LTBP2: variants seen among roughly 807,000 people sequenced by gnomAD.
LTBP2 encodes the protein latent-transforming growth factor beta-binding protein 2.
Under a neutral mutation model 210.6 loss-of-function variants are expected in LTBP2, and 103 were observed. The ratio of observed to expected loss-of-function variants is 0.49; its 90% CI spans 0.42 to 0.58. The LOEUF is 0.58. LTBP2 is among the 20% of genes least tolerant of loss of function. The probability of loss-of-function intolerance (pLI) is 0.00; values close to 1 mark genes in which losing one functional copy is unlikely to be tolerated. For missense variants in LTBP2, 2,313 were observed against 2,494.5 expected (o/e 0.93, Z 1.55); for synonymous variants, 1,007 against 1,015.0 (o/e 0.99, Z 0.15).
At chr14:74,504,721 A>C (rs1367837758) in intron 30 of LTBP2, 57 bp downstream of exon 30, 2 of 1,550,060 alleles carry the variant, frequency 1.3e-6, no homozygotes, top group Admixed American at 1.7e-5. Flanking sequence ...CCTGTGGAGG[A>C]GCAGGCTAGG....
intron 3 of LTBP2, among the ~76,000 whole-genome samples, chr14:74,567,890 C>T (rs1595282081): frequency 6.6e-6 from 1 of 152,186 alleles, no homozygotes; most frequent in East Asian, 1.9e-4. Context: ...AGGCCCCTGG[C>T]TCCGAGTTCC....
At chr14:74,601,746 AC>A (rs1039093359) in intron 2 of LTBP2, among the ~76,000 whole-genome samples, 4 of 152,146 alleles carry the variant, frequency 2.6e-5, no homozygotes, top group Admixed American at 1.3e-4. Flanking sequence ...TGTTAGGACA[AC>A]CACGTTATCA....
At chr14:74,545,753 G>C (rs1420453627) in intron 8 of LTBP2, among the ~76,000 whole-genome samples, 1 of 152,188 alleles carries the variant, frequency 6.6e-6, no homozygotes, top group Non-Finnish European at 1.5e-5. Context: ...TCTGGCAGGA[G>C]GATTGAAGAG....
chr14:74,523,761 C>T (rs2087237361), intron 15 of LTBP2, among the ~76,000 whole-genome samples: 1 of 152,180 alleles, frequency 6.6e-6, no homozygotes, highest in Non-Finnish European at 1.5e-5. Flanking sequence ...TTTGTGTCCA[C>T]CCTGAAGTCT....
rs531375234 is a variant in LTBP2 at position 74,515,202 on chromosome 14, G to A, written c.2908+1620C>T. ...CGCGTCAAAAGCCAAACCCAAGCCT[G>A]TCTGCACCAGAGCCTGTGCCCTTCA... On this transcript the variant is annotated intron_variant, in intron 18 of 35. Transcript: ENST00000261978. 1.5e-4 allele frequency among the ~76,000 whole-genome samples: 22 copies of A among 151,428 alleles called. No individual in the cohort carries two copies. The South Asian group carries it at 3.8e-3, about 26-fold the overall frequency.
At chr14:74,522,766 A>G (rs772929137) in intron 16 of LTBP2, 24 bp downstream of exon 16, 1 of 1,604,480 alleles carries the variant, frequency 6.2e-7, no homozygotes, top group Non-Finnish European at 8.5e-7. Flanking sequence ...CCGCCAAGTA[A>G]GCCCAGGGCA....
At chr14:74,580,033 C>T (rs1454476887) in intron 3 of LTBP2, among the ~76,000 whole-genome samples, 1 of 152,198 alleles carries the variant, frequency 6.6e-6, no homozygotes, top group Non-Finnish European at 1.5e-5. Flanking sequence ...AACCCCTGTC[C>T]TCCCACATCT....
chr14:74,572,411 A>G (rs180912997), intron 3 of LTBP2, among the ~76,000 whole-genome samples: 1 of 149,212 alleles, frequency 6.7e-6, no homozygotes, highest in East Asian at 2.0e-4. Flanking sequence ...AGTTAATTTC[A>G]CAAGTGGAAA....
At chr14:74,573,448 A>G (rs2088012239) in intron 3 of LTBP2, among the ~76,000 whole-genome samples, 1 of 152,202 alleles carries the variant, frequency 6.6e-6, no homozygotes. Context: ...AGGAGGTCAG[A>G]GGGCAGGAGA....
rs55971017 is a variant in LTBP2 at position 74,551,383 on chromosome 14, A to G, written c.1400-33T>C. 78,442 of 1,521,732 alleles carry G rather than the reference A, an allele frequency of 0.052. 2,708 individuals are homozygous for G. Among genetic ancestry groups the G allele is most frequent in the African/African-American group, 0.16 (12,094 of 73,300 alleles). 94.3% of individuals were successfully genotyped at this position (1,521,732 alleles called of 1,614,324 possible). ...CAGGGGCTAGAGTCAGAGCCAGGGA[A>G]GCAGGGCCCCACCCTCATTTCCAAC... On this transcript the variant is annotated intron_variant, in intron 6 of 35. Coordinates refer to ENST00000261978, the MANE Select transcript of LTBP2 (RefSeq NM_000428.3).
At chr14:74,545,444 G>C (rs2087564908) in intron 8 of LTBP2, among the ~76,000 whole-genome samples, 1 of 152,236 alleles carries the variant, frequency 6.6e-6, no homozygotes, top group Non-Finnish European at 1.5e-5. Flanking sequence ...CAGAGCAAGA[G>C]AATCTGTTCT....
intron 2 of LTBP2, among the ~76,000 whole-genome samples, chr14:74,594,711 A>C (rs2088333581): frequency 6.6e-6 from 1 of 152,114 alleles, no homozygotes; most frequent in South Asian, 2.1e-4. Flanking sequence ...CTGTTTCTCC[A>C]CAACCTTGAC....
At chr14:74,525,997 A>T in intron 14 of LTBP2, 78 bp downstream of exon 14, 1 of 1,446,070 alleles carries the variant, frequency 6.9e-7, no homozygotes, top group Non-Finnish European at 9.5e-7. Context: ...CAGCTCACAC[A>T]TAGTAACTCC....
At position 74,511,633 on chromosome 14, in the gene LTBP2, G is replaced by A. The variant is rs1005154; in HGVS notation, c.2909-269C>T. On this transcript the variant is annotated intron_variant, in intron 18 of 35. Transcript: ENST00000261978. ...TATGGTTACCACCAGCTGTGGGAGGGTCAGAGGCTCCACTTTGTGAGCTGG... is the reference window on the plus strand; with the variant it reads ...TATGGTTACCACCAGCTGTGGGAGGATCAGAGGCTCCACTTTGTGAGCTGG... 0.64 allele frequency among the ~76,000 whole-genome samples: 96,893 copies of A among 152,066 alleles called. 31,004 individuals carry two copies. The highest frequency in any genetic ancestry group is 0.74 in the East Asian group (3,852 of 5,174).
chr14:74,509,730 T>C lies in LTBP2; in HGVS notation c.3277+4A>G. Reference sequence around the variant, plus strand: ...CCCTTCCACCACTGCCTCCCCAGGGTTACCTTCACAGGCAGTGCCGTCTTC... The same window carrying C: ...CCCTTCCACCACTGCCTCCCCAGGGCTACCTTCACAGGCAGTGCCGTCTTC... On this transcript the variant is annotated splice_donor_region_variant and intron_variant, in intron 21 of 35. Transcript: ENST00000261978. 6.2e-7 allele frequency: 1 copy of C among 1,613,982 alleles called. No individual in the cohort carries two copies. Among genetic ancestry groups the C allele is most frequent in the Non-Finnish European group, 8.5e-7 (1 of 1,179,996 alleles).
chr14:74,552,200 G>T lies in LTBP2; in HGVS notation c.1386C>A (p.Leu462=). The change falls in exon 6 of 36, where the codon CTC becomes CTA. Residue 462 remains leucine, a synonymous_variant. Coordinates refer to ENST00000261978, the MANE Select transcript of LTBP2 (RefSeq NM_000428.3). ...GCCGGCACTCACCCAGCTGGTTGGA[G>T]AGCGGCAGTGTGAAAGTGGACTGCT... ...PLKQSTFTLP[L]SNQLASVNPS... 1 of 1,608,272 alleles carries T rather than the reference G, an allele frequency of 6.2e-7. No individual in the cohort carries two copies. The highest frequency in any genetic ancestry group is 8.5e-7 in the Non-Finnish European group (1 of 1,178,370).
At chr14:74,507,097 A>T in intron 26 of LTBP2, 82 bp downstream of exon 26, 1 of 1,610,150 alleles carries the variant, frequency 6.2e-7, no homozygotes, top group Non-Finnish European at 8.5e-7. Context: ...TCGTGTCCTC[A>T]GGAGAAAATC....
In LTBP2 at chr14:74,516,136, C is replaced by CTGCG. The variant is rs1351663542; in HGVS notation, c.2908+685_2908+686insCGCA. Among the ~76,000 whole-genome samples, 6 of 152,252 alleles carry CTGCG rather than the reference C, an allele frequency of 3.9e-5. No homozygotes were observed. The East Asian group carries it at 1.2e-3, about 29-fold the overall frequency. On this transcript the variant is annotated intron_variant, in intron 18 of 35. Transcript: ENST00000261978. Reference sequence around the variant, plus strand: ...TCTTCTTGGACTGCGCCTGGATTTACCCTCATTTCTTCCTGTCCCAGCCAG... The same window carrying CTGCG: ...TCTTCTTGGACTGCGCCTGGATTTACTGCGCCTCATTTCTTCCTGTCCCAGCCAG...
At chr14:74,508,998 C>T in intron 22 of LTBP2, 46 bp from the exon 23 acceptor site, 1 of 1,610,018 alleles carries the variant, frequency 6.2e-7, no homozygotes, top group South Asian at 1.1e-5. Context: ...GCAGCACCTC[C>T]CAAGGACAGG....
Sources: gnomAD v4.1 joint callset for allele counts (sites outside exome capture counted in the v4.1 genomes callset) on GRCh38, gnomAD v4.1.1 for gene constraint, MANE v1.5 for transcripts, NCBI Gene and HGNC (gene_info 2026-07-23, HGNC 2026-07-21) for gene names.